The following PTPRG variants were observed in gnomAD, a reference collection of about 807,000 sequenced individuals.
The protein encoded by PTPRG is protein tyrosine phosphatase receptor type G.
PTPRG carries 102 observed loss-of-function variants against 165.3 expected under a neutral mutation model. The ratio of observed to expected loss-of-function variants is 0.62; its 90% CI spans 0.53 to 0.73. The LOEUF (loss-of-function observed/expected upper bound fraction) is 0.73. PTPRG is among the 30% of genes least tolerant of loss of function. The pLI is 0.00. For missense variants in PTPRG, 1,866 were observed against 1,861.4 expected (o/e 1.00, Z -0.05); for synonymous variants, 675 against 669.5 (o/e 1.01, Z -0.13).
chr3:61,655,134 G>A (rs1702474879), intron 1 of PTPRG, among the ~76,000 whole-genome samples: 2 of 152,102 alleles, frequency 1.3e-5, no homozygotes, highest in Non-Finnish European at 2.9e-5. Flanking sequence ...AGTCCTGGTT[G>A]CCTGGTGAGT....
intron 1 of PTPRG, among the ~76,000 whole-genome samples, chr3:61,577,269 C>T (rs775228280): frequency 2.0e-4 from 30 of 152,114 alleles, no homozygotes; most frequent in Non-Finnish European, 3.7e-4. Flanking sequence ...GGTAACATAC[C>T]AAGTACTCGG....
In PTPRG at chr3:61,694,772, A is replaced by G. The variant is rs2030461708; in HGVS notation, c.86-54106A>G. Among the ~76,000 whole-genome samples the G allele has an allele frequency of 3.3e-5, 5 of 152,208 alleles. No individual in the cohort carries two copies. The South Asian group carries it at 1.0e-3, about 32-fold the overall frequency. On this transcript the variant is annotated intron_variant, in intron 1 of 29. Transcript: ENST00000474889. ...ATTGATTTAGAATGATTTTCCATCT[A>G]TATACTGAGTGAAAAGAGGCTATGT... is the stretch of plus-strand genomic sequence containing the variant.
chr3:62,189,710 C>T (rs1699758557), intron 8 of PTPRG, among the ~76,000 whole-genome samples: 1 of 152,174 alleles, frequency 6.6e-6, no homozygotes, highest in Non-Finnish European at 1.5e-5. Flanking sequence ...CCACACTTGG[C>T]TTCTCTGGGG....
At chr3:61,807,137 G>A (rs974832918) in intron 2 of PTPRG, among the ~76,000 whole-genome samples, 19 of 152,284 alleles carry the variant, frequency 1.2e-4, no homozygotes, top group African/African-American at 4.6e-4. Context: ...TGCACTAGCT[G>A]TACATCATTT....
At chr3:61,867,228 G>T (rs559123073) in intron 2 of PTPRG, among the ~76,000 whole-genome samples, 9 of 152,232 alleles carry the variant, frequency 5.9e-5, no homozygotes, top group Non-Finnish European at 1.3e-4. Flanking sequence ...CAGAACCTGC[G>T]GCCCTCCTCC....
chr3:61,892,711 G>C (rs2038247428), intron 2 of PTPRG, among the ~76,000 whole-genome samples: 2 of 151,996 alleles, frequency 1.3e-5, no homozygotes, highest in East Asian at 1.9e-4. Context: ...AGCTACTCAG[G>C]AGGCTGAGGC....
intron 3 of PTPRG, among the ~76,000 whole-genome samples, chr3:61,991,256 A>AG (rs945191849): frequency 3.3e-5 from 5 of 152,174 alleles, no homozygotes; most frequent in African/African-American, 1.2e-4. Context: ...CCCGGGCTGG[A>AG]GTGCAGTGGC....
At position 61,763,119 on chromosome 3, in the gene PTPRG, T is replaced by G. The variant is rs2033906389; in HGVS notation, c.190+14137T>G. 2.6e-5 allele frequency among the ~76,000 whole-genome samples: 4 copies of G among 152,180 alleles called. No homozygotes were observed. In the South Asian group the frequency reaches 8.3e-4, roughly 31 times the overall value. On this transcript the variant is annotated intron_variant, in intron 2 of 29. Transcript: ENST00000474889. ...CGTGTTCTCATGCTTAAACCAATTA[T>G]TGGCAACAGGAATGGGATTAGCACT...
At position 62,049,987 on chromosome 3, in the gene PTPRG, A is replaced by G. The variant is rs151013210; in HGVS notation, c.520-28176A>G. On this transcript the variant is annotated intron_variant, in intron 4 of 29. Transcript: ENST00000474889. ...AAAGTGACACCAAGGAAATTCTTAA[A>G]GCTACCAGTGGACTGGAAAATCAAG... is the stretch of plus-strand genomic sequence containing the variant. 8.7e-4 allele frequency among the ~76,000 whole-genome samples: 133 copies of G among 152,360 alleles called. No individual in the cohort carries two copies. The East Asian group carries it at 0.02, about 23-fold the overall frequency.
At chr3:61,883,356 C>T (rs930322205) in intron 2 of PTPRG, among the ~76,000 whole-genome samples, 6 of 152,114 alleles carry the variant, frequency 3.9e-5, no homozygotes, top group South Asian at 2.1e-4. Context: ...GTGTGCCCTT[C>T]CCTGTGGTTC....
chr3:61,876,420 G>A (rs1041800528), intron 2 of PTPRG, among the ~76,000 whole-genome samples: 1 of 152,176 alleles, frequency 6.6e-6, no homozygotes, highest in Non-Finnish European at 1.5e-5. Flanking sequence ...ATTCTGTCAC[G>A]CTCGTGTCAA....
intron 4 of PTPRG, among the ~76,000 whole-genome samples, chr3:62,047,031 A>G (rs1700315312): frequency 6.6e-6 from 1 of 152,154 alleles, no homozygotes; most frequent in East Asian, 1.9e-4. Context: ...GCCCATGGGT[A>G]TTAGTGCAGA....
chr3:62,266,831 CAT>C lies in PTPRG; in HGVS notation c.2657-578_2657-577del, dbSNP rs200384721. ...ACAATCTGCTGGGCAACTAGATACA[CAT>C]GTCATGCATCACCTACCCCCAACTT... On this transcript the variant is annotated intron_variant, in intron 17 of 29. Coordinates refer to ENST00000474889, the MANE Select transcript of PTPRG (RefSeq NM_002841.4). 4.2e-3 allele frequency among the ~76,000 whole-genome samples: 625 copies of C among 148,032 alleles called. 2 individuals are homozygous for C. Among genetic ancestry groups the C allele is most frequent in the Non-Finnish European group, 7.5e-3 (504 of 67,220 alleles).
chr3:61,583,353 C>G (rs889090050), intron 1 of PTPRG, among the ~76,000 whole-genome samples: 5 of 152,174 alleles, frequency 3.3e-5, no homozygotes, highest in African/African-American at 1.2e-4. Flanking sequence ...ACTATAGTGT[C>G]TCTGTGCTTG....
Position 62,273,212 on chromosome 3 carries a change from A to G in PTPRG, c.3318+131A>G, listed in dbSNP as rs1702131553. 2.9e-6 allele frequency: 3 copies of G among 1,022,426 alleles called. No individual in the cohort carries two copies. Among genetic ancestry groups the G allele is most frequent in the Admixed American group, 3.3e-5 (1 of 30,626 alleles). 63.3% of individuals were successfully genotyped at this position (1,022,426 alleles called of 1,614,324 possible). A position where few individuals can be genotyped will look rare whatever the true frequency, so the allele number is the denominator to read the frequency against. On this transcript the variant is annotated intron_variant, in intron 22 of 29. Transcript: ENST00000474889. This position sits in a 1 kb window ranked among gnomAD's most constrained non-coding sequence, Gnocchi z 4.1. ...AATTTACAGGTTTGTATTAGAAGAT[A>G]TTCTGACAATGATCCTATTCTACGG...
At position 61,797,584 on chromosome 3, in the gene PTPRG, C is replaced by A. The variant is rs113235866; in HGVS notation, c.190+48602C>A. On this transcript the variant is annotated intron_variant, in intron 2 of 29. Transcript: ENST00000474889. ...GCCTGGAGTCATTTATCTCCACACC[C>A]CCCCCCACCCCCCCACCTCCCGCCT... Among the ~76,000 whole-genome samples, 55 of 74,576 alleles carry A rather than the reference C, an allele frequency of 7.4e-4. 1 individual carries two copies. The highest frequency in any genetic ancestry group is 7.8e-3 in the Middle Eastern group (1 of 128). The allele number at this position is 74,576 out of a possible 152,430, so 48.9% of individuals were successfully genotyped here. A position where few individuals can be genotyped will look rare whatever the true frequency, so the allele number is the denominator to read the frequency against.
At chr3:61,911,059 C>T (rs114798399) in intron 2 of PTPRG, among the ~76,000 whole-genome samples, 337 of 152,336 alleles carry the variant, frequency 2.2e-3, no homozygotes, top group African/African-American at 7.8e-3. Flanking sequence ...ACCTGGATAA[C>T]GTCTACTCTT....
chr3:62,008,102 T>G (rs190392989), intron 4 of PTPRG, among the ~76,000 whole-genome samples: 129 of 152,348 alleles, frequency 8.5e-4, no homozygotes, highest in Admixed American at 2.0e-3. Flanking sequence ...TATCGTATCC[T>G]AAACTTTTTT....
At chr3:61,568,414 CTTTAAGTAGCTAGAG>C (rs1420804773) in intron 1 of PTPRG, among the ~76,000 whole-genome samples, 1 of 152,120 alleles carries the variant, frequency 6.6e-6, no homozygotes, top group Non-Finnish European at 1.5e-5. Context: ...TGCAAGATTG[CTTTAAGTAGCTAGAG>C]GGCTTCTTGA....
Sources: gnomAD v4.1 joint callset for allele counts (sites outside exome capture counted in the v4.1 genomes callset) on GRCh38, gnomAD v4.1.1 for gene constraint, Gnocchi (gnomAD v3.1) non-coding constraint, MANE v1.5 for transcripts, NCBI Gene and HGNC (gene_info 2026-07-23, HGNC 2026-07-21) for gene names.